Variants in NIBAN3 observed in about 807,000 individuals in gnomAD.
The protein encoded by NIBAN3 is niban apoptosis regulator 3.
In NIBAN3, 66 loss-of-function variants were observed where a neutral mutation model predicts 76.4. That is an observed-to-expected ratio of 0.86 (90% CI 0.71 to 1.06). The LOEUF (loss-of-function observed/expected upper bound fraction) is 1.06. NIBAN3 is among the 50% of genes least tolerant of loss of function. The pLI is 0.00. For synonymous variants in NIBAN3, 360 were observed against 355.2 expected, an observed-to-expected ratio of 1.01 and a Z score of -0.15; for missense variants, 808 against 810.7, an observed-to-expected ratio of 1.00 and a Z score of 0.04.
At chr19:17,530,531 CAAAAAAA>C (rs558680407) in intron 1 of NIBAN3, among the ~76,000 whole-genome samples, 5 of 46,362 alleles carry the variant, frequency 1.1e-4, no homozygotes, top group Admixed American at 2.8e-4. Context: ...GACTCCATCT[CAAAAAAA>C]AAAAAAAAAA....
At chr19:17,530,925 G>A in intron 2 of NIBAN3, 40 bp downstream of exon 2, 1 of 1,590,094 alleles carries the variant, frequency 6.3e-7, no homozygotes, top group South Asian at 1.1e-5. Flanking sequence ...AGTGTTAGGG[G>A]AGGGTCCTGG....
rs1226922390 is a variant in NIBAN3 at position 17,549,446 on chromosome 19, T to A, written c.1669T>A (p.Leu557Met). 6.2e-7 allele frequency: 1 copy of A among 1,611,070 alleles called. No homozygotes were observed. The highest frequency in any genetic ancestry group is 8.5e-7 in the Non-Finnish European group (1 of 1,177,716). ...GCLLQRIDQE[L>M]KKTLGANDVS... ...TCCAAGAGTTCATCTCATTTCAGAA[T>A]TGAAAAAGACCCTTGGTGCCAATGA... Residue 557 changes from leucine (L) to methionine (M), a missense_variant and splice_region_variant, in exon 14 of 15, where the codon TTG (leucine) becomes ATG (methionine). Coordinates refer to ENST00000599164, the MANE Select transcript of NIBAN3 (RefSeq NM_001321827.2).
At chr19:17,532,029 G>A (rs945176063) in intron 2 of NIBAN3, among the ~76,000 whole-genome samples, 7 of 152,208 alleles carry the variant, frequency 4.6e-5, no homozygotes, top group African/African-American at 1.4e-4. Context: ...CTCCAGTTGG[G>A]GCTGAGATTT....
rs2075961731 is a variant in NIBAN3, at chr19:17,542,007, CT to C, written c.1171-126del. ...CCCACCACTATTGTATTATGAGTTT[CT>C]TTGGTGACAGCTGAGACGGGATGTA... is the stretch of plus-strand genomic sequence containing the variant. On this transcript the variant is annotated intron_variant, in intron 9 of 14. Coordinates refer to ENST00000599164, the MANE Select transcript of NIBAN3 (RefSeq NM_001321827.2). This position sits in a 1 kb window ranked among gnomAD's most constrained non-coding sequence, Gnocchi z 4.8. 20 of 1,170,604 alleles carry C rather than the reference CT, an allele frequency of 1.7e-5. No individual in the cohort carries two copies. In the South Asian group the frequency reaches 2.7e-4, roughly 16 times the overall value. The allele number at this position is 1,170,604 out of a possible 1,614,324, so 72.5% of individuals were successfully genotyped here. A position where few individuals can be genotyped will look rare whatever the true frequency, so the allele number is the denominator to read the frequency against.
At chr19:17,525,998 G>C (rs564776865), upstream of NIBAN3, among the ~76,000 whole-genome samples, 9 of 152,086 alleles carry the variant, frequency 5.9e-5, no homozygotes, top group African/African-American at 1.9e-4. Flanking sequence ...AGGTGGCAGT[G>C]AGCCAAGATC....
At chr19:17,539,983 G>C (rs1462909939) in intron 8 of NIBAN3, among the ~76,000 whole-genome samples, 2 of 152,028 alleles carry the variant, frequency 1.3e-5, no homozygotes, top group Non-Finnish European at 2.9e-5. Flanking sequence ...CACTGGGGGC[G>C]GGGCCTAGAG....
chr19:17,534,096 G>T (rs376459780), intron 4 of NIBAN3, among the ~76,000 whole-genome samples: 1 of 152,140 alleles, frequency 6.6e-6, no homozygotes, highest in African/African-American at 2.4e-5. Context: ...CCAGCTACTC[G>T]GGAGGCTGAG....
intron 4 of NIBAN3, among the ~76,000 whole-genome samples, chr19:17,535,653 C>A (rs1369051710): frequency 6.6e-6 from 1 of 150,618 alleles, no homozygotes; most frequent in Non-Finnish European, 1.5e-5. Context: ...GAGACCGAGG[C>A]AGGAGAATTG....
intron 14 of NIBAN3, among the ~76,000 whole-genome samples, chr19:17,551,407 T>C (rs2076154269): frequency 6.6e-6 from 1 of 151,890 alleles, no homozygotes; most frequent in African/African-American, 2.4e-5. Context: ...CATTTCTTTT[T>C]TTTTATTTTT....
chr19:17,533,786 G>A lies in NIBAN3; in HGVS notation c.427+85G>A, dbSNP rs1599719320. ...GGCCAGATCATTCTCTGCGGTGGGG[G>A]CGTCCCGTGTACAGCAGGGCAGTAA... On this transcript the variant is annotated intron_variant, in intron 4 of 14. Coordinates refer to ENST00000599164, the MANE Select transcript of NIBAN3 (RefSeq NM_001321827.2). 6 of 1,026,362 alleles carry A rather than the reference G, an allele frequency of 5.8e-6. No individual in the cohort carries two copies. The East Asian group carries it at 1.4e-4, about 25-fold the overall frequency. The allele number at this position is 1,026,362 out of a possible 1,614,324, so 63.6% of individuals were successfully genotyped here. A position where few individuals can be genotyped will look rare whatever the true frequency, so the allele number is the denominator to read the frequency against.
At chr19:17,543,124 G>A (rs528410284) in intron 10 of NIBAN3, among the ~76,000 whole-genome samples, 193 bp from the exon 11 acceptor site, 1 of 152,268 alleles carries the variant, frequency 6.6e-6, no homozygotes, top group African/African-American at 2.4e-5. Context: ...TTTGCACATA[G>A]TCCCCCACAG....
chr19:17,548,069 T>C (rs2076092368), intron 13 of NIBAN3, among the ~76,000 whole-genome samples: 1 of 152,248 alleles, frequency 6.6e-6, no homozygotes, highest in Admixed American at 6.5e-5. Context: ...GACTTGGAGT[T>C]GGCCTCTTAG....
chr19:17,530,817 G>T lies in NIBAN3; in HGVS notation c.118G>T (p.Val40Phe). ...CTACCGTGGGCAGCTGGCAGCGTCTGTCCTGCGGCAGATCTCTCGAGAGCT... is the reference window on the plus strand; with the variant it reads ...CTACCGTGGGCAGCTGGCAGCGTCTTTCCTGCGGCAGATCTCTCGAGAGCT... The part of the protein sequence containing the change: ...PCYRGQLAAS[V>F]LRQISRELGP... The change falls in exon 2 of 15, where the codon GTC becomes TTC. Residue 40 changes from valine (V) to phenylalanine (F), a missense_variant. Transcript: ENST00000599164. 6.2e-7 allele frequency: 1 copy of T among 1,613,718 alleles called. No homozygotes were observed. The highest frequency in any genetic ancestry group is 2.2e-5 in the East Asian group (1 of 44,840).
Position 17,553,071 on chromosome 19 carries a change from G to C in NIBAN3, c.*1173G>C. 1 of 451,410 alleles carries C rather than the reference G, an allele frequency of 2.2e-6. No individual in the cohort carries two copies. 28.0% of individuals were successfully genotyped at this position (451,410 alleles called of 1,614,324 possible). On this transcript the variant is annotated 3_prime_UTR_variant, in exon 15 of 15. Transcript: ENST00000599164. ...GCCTGGGTGATGGGAGTGAGACCCT[G>C]TCTCAAAAAACAAAATCCAAATATG... is the stretch of plus-strand genomic sequence containing the variant.
chr19:17,540,530 G>A lies in NIBAN3; in HGVS notation c.1118G>A (p.Arg373Gln), dbSNP rs1215281903. Residue 373 changes from arginine (R) to glutamine (Q), a missense_variant, in exon 9 of 15, where the codon CGA becomes CAA. Coordinates refer to ENST00000599164, the MANE Select transcript of NIBAN3 (RefSeq NM_001321827.2). ...ACCCTCCTGGCTCAAGGCATGGACCGACTGTCCCACCGCCTGCGCCAGAGC... is the reference window on the plus strand; with the variant it reads ...ACCCTCCTGGCTCAAGGCATGGACCAACTGTCCCACCGCCTGCGCCAGAGC... The part of the protein sequence containing the change: ...VRTLLAQGMD[R>Q]LSHRLRQSPS... 7 of 1,582,026 alleles carry A rather than the reference G, an allele frequency of 4.4e-6. No homozygotes were observed. Among genetic ancestry groups the A allele is most frequent in the African/African-American group, 2.7e-5 (2 of 72,942 alleles).
At chr19:17,523,769 C>T (rs185487699), upstream of NIBAN3, among the ~76,000 whole-genome samples, 440 of 152,296 alleles carry the variant, frequency 2.9e-3, 4 homozygotes, top group African/African-American at 9.8e-3. Flanking sequence ...CTCCCTGCAG[C>T]GCACCCACTT....
At position 17,537,363 on chromosome 19, in the gene NIBAN3, T is replaced by G; in HGVS notation, c.428-13T>G. 6.2e-7 allele frequency: 1 copy of G among 1,611,678 alleles called. No individual in the cohort carries two copies. Among genetic ancestry groups the G allele is most frequent in the South Asian group, 1.1e-5 (1 of 90,970 alleles). On this transcript the variant is annotated splice_polypyrimidine_tract_variant and intron_variant, in intron 4 of 14. Coordinates refer to ENST00000599164, the MANE Select transcript of NIBAN3 (RefSeq NM_001321827.2). ...TGAACGTCTAGAAGATGCGACCTCC[T>G]GTTTGTTTTCAGGAGACCATACTCA... is the stretch of plus-strand genomic sequence containing the variant.
intron 2 of NIBAN3, among the ~76,000 whole-genome samples, chr19:17,531,268 A>G (rs1484290267): frequency 1.3e-5 from 2 of 150,552 alleles, no homozygotes; most frequent in African/African-American, 4.9e-5. Context: ...TGGAGATTGC[A>G]GTGAGCCCAG....
At chr19:17,526,188 CT>C (rs1163720084), upstream of NIBAN3, among the ~76,000 whole-genome samples, 2 of 151,944 alleles carry the variant, frequency 1.3e-5, no homozygotes, top group Non-Finnish European at 2.9e-5. Context: ...TGGCGGGCGC[CT>C]GTAATCCCAG....
Sources: allele counts gnomAD v4.1 joint callset (sites outside exome capture counted in the v4.1 genomes callset), GRCh38; gene constraint gnomAD v4.1.1; non-coding constraint Gnocchi (gnomAD v3.1); transcripts MANE v1.5; gene names NCBI Gene and HGNC (gene_info 2026-07-23, HGNC 2026-07-21).